The following WDR27 variants were observed in gnomAD, a reference collection of about 807,000 sequenced individuals.
WDR27 encodes WD repeat-containing protein 27.
In WDR27, 100 loss-of-function variants were observed where a neutral mutation model predicts 114.4. The observed-to-expected ratio is 0.87, with a 90% CI of 0.74 to 1.03. The LOEUF (loss-of-function observed/expected upper bound fraction) is 1.03. Ranked by LOEUF, WDR27 falls within the 50% of genes least tolerant of loss-of-function variation. The probability of loss-of-function intolerance (pLI) is 0.00; values close to 1 mark genes in which losing one functional copy is unlikely to be tolerated. For synonymous variants in WDR27, 449 were observed against 423.1 expected, an observed-to-expected ratio of 1.06 and a Z score of -0.75; for missense variants, 1,129 against 1,092.9, an observed-to-expected ratio of 1.03 and a Z score of -0.47.
chr6:169,448,163 C>T, the WDR27 span, among the ~76,000 whole-genome samples: 3 of 152,102 alleles, frequency 2.0e-5, no homozygotes, highest in Admixed American at 1.3e-4. Context: ...CTCAGCCTCC[C>T]GAAGTGCTGA....
the WDR27 span, chr6:169,427,004 G>A: frequency 6.6e-6 from 1 of 151,774 alleles, no homozygotes; most frequent in East Asian, 1.9e-4. Flanking sequence ...ATACCATCCT[G>A]ACCTTGTTGG....
chr6:169,594,751 C>T (rs985913879), intron 23 of WDR27, among the ~76,000 whole-genome samples: 8 of 152,206 alleles, frequency 5.3e-5, no homozygotes, highest in African/African-American at 1.9e-4. Context: ...GCCTGGTATA[C>T]ATTTCACATC....
Position 169,572,504 on chromosome 6 carries a change from A to C in WDR27, c.2560T>G (p.Trp854Gly), listed in dbSNP as rs1212637882. The change falls in exon 25 of 26, where the codon TGG becomes GGG. Residue 854 changes from tryptophan to glycine, a missense_variant. Physicochemically the swap from Trp to Gly is radical, Grantham distance 184. Coordinates refer to ENST00000448612, the MANE Select transcript of WDR27 (RefSeq NM_182552.5). ...GGTTGCAGTGAACCGAGATCGTGCC[A>C]CTGCACTCCAGCGTGGGCGACAGAG... ...SRSVAHAGVQ[W>G]HDLGSLQPPP... The C allele has an allele frequency of 7.2e-6, 1 of 138,204 alleles. No individual in the cohort carries two copies. The highest frequency in any genetic ancestry group is 2.7e-5 in the African/African-American group (1 of 36,954). 8.6% of individuals were successfully genotyped at this position (138,204 alleles called of 1,614,324 possible).
intron 24 of WDR27, among the ~76,000 whole-genome samples, chr6:169,575,490 C>T (rs910477858): frequency 2.0e-5 from 3 of 152,094 alleles, no homozygotes; most frequent in African/African-American, 7.2e-5. Flanking sequence ...GTTTTATCCT[C>T]CTACTGGGAG....
At chr6:169,481,982 T>TCAA (rs574113954) in intron 25 of WDR27, among the ~76,000 whole-genome samples, 46 of 152,220 alleles carry the variant, frequency 3.0e-4, no homozygotes, top group Non-Finnish European at 6.5e-4. Context: ...CATCCCAGTG[T>TCAA]CTGTTGTTTC....
chr6:169,576,766 CAA>C (rs34375216), intron 24 of WDR27, among the ~76,000 whole-genome samples: 153 of 137,436 alleles, frequency 1.1e-3, no homozygotes, highest in Middle Eastern at 3.7e-3. Flanking sequence ...CCCTTTCTCA[CAA>C]AAAAAAAAAA....
chr6:169,473,743 T>C (rs1402246416), intron 25 of WDR27, among the ~76,000 whole-genome samples: 2 of 152,216 alleles, frequency 1.3e-5, no homozygotes, highest in Non-Finnish European at 2.9e-5. Context: ...TTCAGTTTCA[T>C]CACCTGGGTC....
At chr6:169,605,564 C>T (rs1808972288) in intron 22 of WDR27, among the ~76,000 whole-genome samples, 1 of 149,086 alleles carries the variant, frequency 6.7e-6, no homozygotes, top group African/African-American at 2.5e-5. Flanking sequence ...CAATGCAATG[C>T]CTTTCAAAAT....
intron 8 of WDR27, 55 bp from the exon 9 acceptor site, chr6:169,662,479 T>C (rs1826465091): frequency 3.1e-6 from 5 of 1,596,020 alleles, no homozygotes; most frequent in Non-Finnish European, 4.3e-6. Flanking sequence ...ATCCGTCAAG[T>C]TTAAAGGCTG....
intron 23 of WDR27, among the ~76,000 whole-genome samples, chr6:169,583,760 CCTA>C (rs1328894331): frequency 2.6e-5 from 4 of 151,942 alleles, no homozygotes; most frequent in Non-Finnish European, 5.9e-5. Context: ...CCCGCAAAAA[CCTA>C]CTATTTTTAA....
At chr6:169,589,283 C>T (rs1291978538) in intron 23 of WDR27, among the ~76,000 whole-genome samples, 2 of 152,154 alleles carry the variant, frequency 1.3e-5, no homozygotes, top group Non-Finnish European at 2.9e-5. Flanking sequence ...GGACACTGAC[C>T]TTTTGCCAGG....
chr6:169,613,780 T>C, intron 21 of WDR27, 124 bp from the exon 22 acceptor site: 1 of 857,536 alleles, frequency 1.2e-6, no homozygotes, highest in Non-Finnish European at 1.7e-6. Flanking sequence ...TTTTCTTACT[T>C]GTAACAATTT....
At position 169,532,666 on chromosome 6, in the gene WDR27, T is replaced by G. The variant is rs563621847; in HGVS notation, c.2645+39753A>C. Among the ~76,000 whole-genome samples, 16 of 152,292 alleles carry G rather than the reference T, an allele frequency of 1.1e-4. No individual in the cohort carries two copies. The South Asian group carries it at 3.3e-3, about 32-fold the overall frequency. ...TAAATGAAATTTTATTTAGTTTCAA[T>G]TTTTATGTGACATAGGTGTATTTGT... On this transcript the variant is annotated intron_variant, in intron 25 of 25. Transcript: ENST00000448612.
intron 2 of WDR27, among the ~76,000 whole-genome samples, chr6:169,679,105 A>G (rs568015857): frequency 1.4e-4 from 21 of 152,220 alleles, no homozygotes; most frequent in Non-Finnish European, 2.5e-4. Context: ...AAATTTACCT[A>G]TAGCCTGGAA....
intron 21 of WDR27, among the ~76,000 whole-genome samples, chr6:169,615,034 G>C (rs555487387): frequency 6.6e-6 from 1 of 152,228 alleles, no homozygotes; most frequent in African/African-American, 2.4e-5. Context: ...CAATCCAATA[G>C]AGGGTGAGGA....
intron 2 of WDR27, 70 bp downstream of exon 2, chr6:169,688,747 A>G: frequency 8.0e-7 from 1 of 1,246,360 alleles, no homozygotes; most frequent in Non-Finnish European, 1.1e-6. Flanking sequence ...ATGCTGTCCG[A>G]ACAGCATCAA....
the WDR27 span, among the ~76,000 whole-genome samples, chr6:169,445,330 G>A: frequency 6.6e-6 from 1 of 152,088 alleles, no homozygotes; most frequent in African/African-American, 2.4e-5. Flanking sequence ...TAAATACACA[G>A]AGGAGACTTC....
intron 21 of WDR27, among the ~76,000 whole-genome samples, chr6:169,626,562 G>A (rs543623312): frequency 6.6e-6 from 1 of 152,288 alleles, no homozygotes; most frequent in African/African-American, 2.4e-5. Flanking sequence ...GCCTTGTTCA[G>A]AGGCCCCACA....
At chr6:169,664,511 C>T (rs1490587299) in intron 7 of WDR27, 1 of 1,399,216 alleles carries the variant, frequency 7.1e-7, no homozygotes, top group Non-Finnish European at 9.3e-7. Context: ...CACATCAGCT[C>T]AGGGCACATG....
Sources: allele counts gnomAD v4.1 joint callset (sites outside exome capture counted in the v4.1 genomes callset), GRCh38; gene constraint gnomAD v4.1.1; transcripts MANE v1.5; gene names NCBI Gene and HGNC (gene_info 2026-07-23, HGNC 2026-07-21).